Variants in TENM2 observed in about 807,000 individuals in gnomAD.
TENM2 encodes the protein teneurin transmembrane protein 2, also known as teneurin-2.
Under a neutral mutation model 245.2 loss-of-function variants are expected in TENM2, and 52 were observed. The observed-to-expected ratio is 0.21, with a 90% CI of 0.17 to 0.27. The LOEUF (loss-of-function observed/expected upper bound fraction) is 0.27. Among genes scored for constraint, TENM2 ranks in the 10% least tolerant of loss-of-function variants. The pLI is 1.00. For synonymous variants in TENM2, 1,363 were observed against 1,438.9 expected (o/e 0.95, Z 1.19); for missense variants, 3,046 against 3,666.8 (o/e 0.83, Z 4.37).
At chr5:167,574,311 A>G (rs778582784) in intron 2 of TENM2, among the ~76,000 whole-genome samples, 4 of 152,246 alleles carry the variant, frequency 2.6e-5, no homozygotes, top group South Asian at 2.1e-4. Flanking sequence ...ACTTTGCATT[A>G]CGTTAAATTC....
the TENM2 span, among the ~76,000 whole-genome samples, chr5:167,192,081 T>A: frequency 6.6e-6 from 1 of 152,176 alleles, no homozygotes; most frequent in East Asian, 1.9e-4. Context: ...ATAAATATCA[T>A]TTGAAGCTAC....
chr5:167,823,653 CA>C (rs372707327), intron 2 of TENM2, among the ~76,000 whole-genome samples: 64 of 152,224 alleles, frequency 4.2e-4, no homozygotes, highest in African/African-American at 1.5e-3. Flanking sequence ...CCAGATGCTT[CA>C]GAGAGAAATG....
In TENM2 at chr5:167,885,509, TAAAC is replaced by T. The variant is rs368815288; in HGVS notation, c.712+9317_712+9320del. 8.2e-3 allele frequency among the ~76,000 whole-genome samples: 1,245 copies of T among 152,182 alleles called. 14 individuals are homozygous for T. Among genetic ancestry groups the T allele is most frequent in the African/African-American group, 0.029 (1,185 of 41,518 alleles). On this transcript the variant is annotated intron_variant, in intron 3 of 28. Transcript: ENST00000518659. The stretch of plus-strand genomic sequence containing the variant: ...GGTTGTAGTGTTCTCCTACTGAACA[TAAAC>T]AATTTTACAGAACCCAAGCACGAGG...
At chr5:167,126,186 T>C in the TENM2 span, among the ~76,000 whole-genome samples, 1 of 152,080 alleles carries the variant, frequency 6.6e-6, no homozygotes, top group African/African-American at 2.4e-5. Context: ...ACTTGAGCCA[T>C]CCCTACAATA....
chr5:167,461,477 A>G (rs1036345507), intron 2 of TENM2, among the ~76,000 whole-genome samples: 6 of 152,144 alleles, frequency 3.9e-5, no homozygotes, highest in African/African-American at 1.4e-4. Flanking sequence ...TACTGAAGTC[A>G]CTGTTGATGG....
At chr5:168,125,273 T>A (rs1210466044) in intron 11 of TENM2, among the ~76,000 whole-genome samples, 1 of 152,192 alleles carries the variant, frequency 6.6e-6, no homozygotes, top group African/African-American at 2.4e-5. Context: ...CGCAAATGCA[T>A]GAGGAGCCCA....
At chr5:167,630,219 A>G (rs1181625565) in intron 2 of TENM2, among the ~76,000 whole-genome samples, 2 of 151,916 alleles carry the variant, frequency 1.3e-5, no homozygotes, top group Non-Finnish European at 2.9e-5. Flanking sequence ...GGCATATCCG[A>G]ATTACCAGCA....
intron 6 of TENM2, among the ~76,000 whole-genome samples, chr5:168,049,401 TG>T (rs1788885653): frequency 6.6e-6 from 1 of 152,252 alleles, no homozygotes; most frequent in Non-Finnish European, 1.5e-5. Context: ...ATTCTATCAT[TG>T]GGCACAGAGA....
the TENM2 span, among the ~76,000 whole-genome samples, chr5:167,265,184 T>C: frequency 6.7e-6 from 1 of 149,300 alleles, no homozygotes; most frequent in Non-Finnish European, 1.5e-5. Flanking sequence ...AAAAAAAAAA[T>C]TAACCTGGCA....
chr5:166,979,174 TAGCAGCAGCAGCACCACCACCAGCAGC>T, the TENM2 span, among the ~76,000 whole-genome samples: 1 of 132,386 alleles, frequency 7.6e-6, no homozygotes, highest in Non-Finnish European at 1.6e-5. Context: ...GTTTCCGAAG[TAGCAGCAGCAGCACCACCACCAGCAGC>T]AGCAGCAGCA....
intron 2 of TENM2, among the ~76,000 whole-genome samples, chr5:167,731,697 G>GT (rs58942656): frequency 0.02 from 2,488 of 121,614 alleles, 31 homozygotes; most frequent in Middle Eastern, 0.048. Context: ...TTTCTCAGAG[G>GT]TTTTTTTTTT....
chr5:167,028,665 A>G, the TENM2 span, among the ~76,000 whole-genome samples: 1 of 152,170 alleles, frequency 6.6e-6, no homozygotes, highest in Non-Finnish European at 1.5e-5. Context: ...TATAAAACAT[A>G]CATCAAATAG....
intron 12 of TENM2, among the ~76,000 whole-genome samples, chr5:168,157,665 C>T (rs1475799259): frequency 1.3e-5 from 2 of 152,032 alleles, no homozygotes; most frequent in Non-Finnish European, 2.9e-5. Flanking sequence ...AGAATGCCTC[C>T]AAGGTTTCAG....
intron 2 of TENM2, among the ~76,000 whole-genome samples, chr5:167,535,053 G>T (rs1407125984): frequency 6.6e-6 from 1 of 152,132 alleles, no homozygotes; most frequent in Non-Finnish European, 1.5e-5. Context: ...AAACCCAGTT[G>T]TAAAACTTGT....
intron 2 of TENM2, among the ~76,000 whole-genome samples, chr5:167,533,612 A>G (rs1463782066): frequency 1.3e-5 from 2 of 152,006 alleles, no homozygotes; most frequent in Non-Finnish European, 1.5e-5. Context: ...ATGCATCACC[A>G]CGCTTGGCTA....
At chr5:168,198,051 A>G (rs1761607194) in intron 15 of TENM2, among the ~76,000 whole-genome samples, 1 of 152,202 alleles carries the variant, frequency 6.6e-6, no homozygotes, top group Non-Finnish European at 1.5e-5. Flanking sequence ...AACATTTTCT[A>G]TAAAGGGCCA....
At chr5:168,226,483 A>G (rs1316828444) in intron 24 of TENM2, among the ~76,000 whole-genome samples, 2 of 152,086 alleles carry the variant, frequency 1.3e-5, no homozygotes, top group Non-Finnish European at 2.9e-5. Flanking sequence ...ACCCAGCCAA[A>G]TGTCTAGATA....
the TENM2 span, among the ~76,000 whole-genome samples, chr5:167,070,297 T>TTTA: frequency 2.8e-5 from 4 of 140,710 alleles, no homozygotes; most frequent in Non-Finnish European, 3.1e-5. Context: ...TTTTTTTTTT[T>TTTA]TTTTTGTATT....
At chr5:167,436,137 C>T (rs1764544156) in intron 2 of TENM2, among the ~76,000 whole-genome samples, 1 of 151,754 alleles carries the variant, frequency 6.6e-6, no homozygotes, top group African/African-American at 2.4e-5. Flanking sequence ...CACCACCACA[C>T]CCGGCTAATT....
Sources: allele counts gnomAD v4.1 joint callset (sites outside exome capture counted in the v4.1 genomes callset), GRCh38; gene constraint gnomAD v4.1.1; transcripts MANE v1.5; gene names NCBI Gene and HGNC (gene_info 2026-07-23, HGNC 2026-07-21).